The following PTCRA variants were observed in gnomAD, a reference collection of about 807,000 sequenced individuals.
PTCRA encodes the protein pre T cell antigen receptor alpha, also known as pre T-cell antigen receptor alpha.
A neutral mutation model predicts 13.4 loss-of-function variants in PTCRA; 9 were observed. That is an observed-to-expected ratio of 0.67 (90% CI 0.41 to 1.18). The LOEUF (loss-of-function observed/expected upper bound fraction) is 1.18, where lower values mean the gene tolerates loss of function less well. Ranked by LOEUF, PTCRA falls within the 50% of genes most tolerant of loss-of-function variation. The probability of loss-of-function intolerance (pLI) is 0.01; values close to 1 mark genes in which losing one functional copy is unlikely to be tolerated. For synonymous variants in PTCRA, 153 were observed against 161.9 expected (o/e 0.94, Z 0.42); for missense variants, 353 against 359.8 (o/e 0.98, Z 0.15).
Position 42,925,316 on chromosome 6 carries a change from G to C in PTCRA, c.480G>C (p.Leu160=). ...LGVLRLLLFK[L]LLFDLLLTCS... ...TCCTGCGGCTGCTGCTCTTCAAGCTGCTGCTGTTTGACCTGCTCCTGACCT... is the reference window on the plus strand; with the variant it reads ...TCCTGCGGCTGCTGCTCTTCAAGCTCCTGCTGTTTGACCTGCTCCTGACCT... Residue 160 remains leucine, a synonymous_variant, in exon 4 of 4, where the codon CTG becomes CTC. Transcript: ENST00000304672. This position sits in a 1 kb window ranked among gnomAD's most constrained non-coding sequence, Gnocchi z 4.4. The C allele has an allele frequency of 6.3e-7, 1 of 1,586,450 alleles. No homozygotes were observed. The highest frequency in any genetic ancestry group is 8.5e-7 in the Non-Finnish European group (1 of 1,172,188).
chr6:42,917,997 T>A (rs1766960188), intron 1 of PTCRA, among the ~76,000 whole-genome samples: 1 of 152,164 alleles, frequency 6.6e-6, no homozygotes, highest in African/African-American at 2.4e-5. Flanking sequence ...GGCTTACGCC[T>A]GTAATTCCAG....
chr6:42,917,741 G>A (rs1346592504), intron 1 of PTCRA, among the ~76,000 whole-genome samples: 4 of 145,668 alleles, frequency 2.7e-5, no homozygotes, highest in African/African-American at 7.6e-5. Flanking sequence ...GTGGAAACAG[G>A]GGTTCACCAC....
chr6:42,918,008 C>A (rs1562525768), intron 1 of PTCRA, among the ~76,000 whole-genome samples: 4 of 152,068 alleles, frequency 2.6e-5, no homozygotes, highest in Admixed American at 2.0e-4. Flanking sequence ...GTAATTCCAG[C>A]ACTTTGGAAG....
At chr6:42,924,844 G>A (rs1269727609) in intron 3 of PTCRA, among the ~76,000 whole-genome samples, 2 of 152,004 alleles carry the variant, frequency 1.3e-5, no homozygotes, top group African/African-American at 2.4e-5. Context: ...GATGGCACAC[G>A]CCTGTAGTCC....
Position 42,916,134 on chromosome 6 carries a change from C to T in PTCRA, c.58+7C>T, listed in dbSNP as rs765457014. 6 of 1,613,426 alleles carry T rather than the reference C, an allele frequency of 3.7e-6. No individual in the cohort carries two copies. The highest frequency in any genetic ancestry group is 5.1e-6 in the Non-Finnish European group (6 of 1,179,522). ...TGTCCAGCCCTACCCACAGGTGAGC[C>T]CCCTCTTTGCCTTCCTCTCTGTCCC... is the stretch of plus-strand genomic sequence containing the variant. On this transcript the variant is annotated splice_region_variant and intron_variant, in intron 1 of 3. Transcript: ENST00000304672.
At position 42,925,610 on chromosome 6, in the gene PTCRA, G is replaced by C; in HGVS notation, c.774G>C (p.Arg258Ser). 1 of 1,588,900 alleles carries C rather than the reference G, an allele frequency of 6.3e-7. No homozygotes were observed. Among genetic ancestry groups the C allele is most frequent in the Non-Finnish European group, 8.6e-7 (1 of 1,167,894 alleles). Residue 258 changes from arginine to serine, a missense_variant, in exon 4 of 4, where the codon AGG (arginine) becomes AGC (serine). Coordinates refer to ENST00000304672, the MANE Select transcript of PTCRA (RefSeq NM_138296.3). The surrounding 1 kb of genome is among the most constrained non-coding windows in gnomAD (Gnocchi z 4.4). ...CCTGGTGCTCAAGATCTGCCCTCAG[G>C]GCTCCTTCCTCCAGTCTTGGAGCAT... Reference protein sequence around the residue: ...AQAWCSRSALRAPSSSLGAFF... With the variant: ...AQAWCSRSALSAPSSSLGAFF...
chr6:42,922,483 T>C (rs1767223009), intron 1 of PTCRA, among the ~76,000 whole-genome samples: 1 of 152,030 alleles, frequency 6.6e-6, no homozygotes, highest in South Asian at 2.1e-4. Context: ...GCATGGTGGC[T>C]CACACCTGTA....
chr6:42,925,357 A>ACCCCGCGGGCCCGCTGCCTTC lies in PTCRA; in HGVS notation c.528_548dup (p.Gly177_Ala183dup). ...CTCCTGACCTGCAGCTGCCTGTGCG[A>ACCCCGCGGGCCCGCTGCCTTC]CCCCGCGGGCCCGCTGCCTTCCCCC... On this transcript the variant is annotated inframe_insertion, in exon 4 of 4. Coordinates refer to ENST00000304672, the MANE Select transcript of PTCRA (RefSeq NM_138296.3). This position sits in a 1 kb window ranked among gnomAD's most constrained non-coding sequence, Gnocchi z 4.4. 1.3e-6 allele frequency: 2 copies of ACCCCGCGGGCCCGCTGCCTTC among 1,559,356 alleles called. No individual in the cohort carries two copies. The highest frequency in any genetic ancestry group is 1.7e-6 in the Non-Finnish European group (2 of 1,153,898).
At chr6:42,920,455 T>C (rs1224430869) in intron 1 of PTCRA, among the ~76,000 whole-genome samples, 1 of 151,446 alleles carries the variant, frequency 6.6e-6, no homozygotes, top group Non-Finnish European at 1.5e-5. Context: ...GACGGAGTCT[T>C]GCTCTGTCGC....
chr6:42,924,382 T>TA (rs762976130), intron 3 of PTCRA, 109 bp downstream of exon 3: 10 of 887,462 alleles, frequency 1.1e-5, no homozygotes, highest in Non-Finnish European at 1.5e-5. Context: ...TGGAGGTCAG[T>TA]AGGTGTCCCA....
At chr6:42,919,285 C>T (rs562307418) in intron 1 of PTCRA, among the ~76,000 whole-genome samples, 3 of 152,238 alleles carry the variant, frequency 2.0e-5, no homozygotes, top group South Asian at 2.1e-4. Context: ...TGAGCCACCA[C>T]GCCTGGCCTA....
Position 42,922,217 on chromosome 6 carries a change from G to A in PTCRA, c.59-810G>A, listed in dbSNP as rs1324749957. ...TGAAGCCCCTTCTAATCTCATTCCA[G>A]GTCCTGTTTCCTTCCCTTCCTCACC... On this transcript the variant is annotated intron_variant, in intron 1 of 3. Coordinates refer to ENST00000304672, the MANE Select transcript of PTCRA (RefSeq NM_138296.3). 6 of 702,628 alleles carry A rather than the reference G, an allele frequency of 8.5e-6. No individual in the cohort carries two copies. In the East Asian group the frequency reaches 1.3e-4, roughly 16 times the overall value. 43.5% of individuals were successfully genotyped at this position (702,628 alleles called of 1,614,324 possible).
At position 42,925,591 on chromosome 6, in the gene PTCRA, G is replaced by T. The variant is rs1330660441; in HGVS notation, c.755G>T (p.Cys252Phe). 6.2e-7 allele frequency: 1 copy of T among 1,600,224 alleles called. No homozygotes were observed. The highest frequency in any genetic ancestry group is 8.5e-7 in the Non-Finnish European group (1 of 1,173,082). The change falls in exon 4 of 4, where the codon TGC becomes TTC. Residue 252 changes from cysteine (C) to phenylalanine (F), a missense_variant. Transcript: ENST00000304672. This position sits in a 1 kb window ranked among gnomAD's most constrained non-coding sequence, Gnocchi z 4.4. ...CCCACTTGCCCAGCACAGGCCTGGT[G>T]CTCAAGATCTGCCCTCAGGGCTCCT... ...SYPTCPAQAW[C>F]SRSALRAPSS...
chr6:42,922,951 C>T, intron 1 of PTCRA, 76 bp from the exon 2 acceptor site: 1 of 1,364,788 alleles, frequency 7.3e-7, no homozygotes, highest in Non-Finnish European at 1.0e-6. Flanking sequence ...AAATGTAGAA[C>T]CCTAGCCTAC....
In PTCRA at chr6:42,919,639, C is replaced by T. The variant is rs1429273375; in HGVS notation, c.59-3388C>T. On this transcript the variant is annotated intron_variant, in intron 1 of 3. Transcript: ENST00000304672. ...GGCTGAGGTGGGAGGACTGCCTGAA[C>T]CCGGGTGGTCAAAGCCTCAGTAAGC... Among the ~76,000 whole-genome samples, 3 of 149,802 alleles carry T rather than the reference C, an allele frequency of 2.0e-5. No homozygotes were observed. In the East Asian group the frequency reaches 6.0e-4, roughly 30 times the overall value.
intron 2 of PTCRA, among the ~76,000 whole-genome samples, chr6:42,923,984 G>C (rs1172816894): frequency 1.1e-4 from 17 of 152,220 alleles, no homozygotes; most frequent in Admixed American, 1.0e-3. Flanking sequence ...TTCCTTATCT[G>C]AGAGTTCCGG....
rs1465255976 is a variant in PTCRA at position 42,925,198 on chromosome 6, C to T, written c.425-63C>T. On this transcript the variant is annotated intron_variant, in intron 3 of 3. Transcript: ENST00000304672. This position sits in a 1 kb window ranked among gnomAD's most constrained non-coding sequence, Gnocchi z 4.4. Reference sequence around the variant, plus strand: ...GGGCAGAGGACAAGGCCCTCTCCGCCGTTCTCTCCTGGGGTAGGGGGCTGC... The same window carrying T: ...GGGCAGAGGACAAGGCCCTCTCCGCTGTTCTCTCCTGGGGTAGGGGGCTGC... 3.3e-6 allele frequency: 5 copies of T among 1,522,242 alleles called. No homozygotes were observed. Among genetic ancestry groups the T allele is most frequent in the African/African-American group, 1.4e-5 (1 of 73,100 alleles). 94.3% of individuals were successfully genotyped at this position (1,522,242 alleles called of 1,614,324 possible).
intron 1 of PTCRA, chr6:42,922,175 A>T (rs1358173183): frequency 2.9e-6 from 2 of 685,662 alleles, no homozygotes; most frequent in Non-Finnish European, 5.3e-6. Flanking sequence ...AAAGAAACAA[A>T]AAGTTACAGA....
intron 1 of PTCRA, among the ~76,000 whole-genome samples, chr6:42,917,357 G>A (rs1335881149): frequency 6.7e-6 from 1 of 148,608 alleles, no homozygotes; most frequent in East Asian, 2.0e-4. Flanking sequence ...CAAGTAGCTG[G>A]GATTACAGGC....
Sources: gnomAD v4.1 joint callset for allele counts (sites outside exome capture counted in the v4.1 genomes callset) on GRCh38, gnomAD v4.1.1 for gene constraint, Gnocchi (gnomAD v3.1) non-coding constraint, MANE v1.5 for transcripts, NCBI Gene and HGNC (gene_info 2026-07-23, HGNC 2026-07-21) for gene names.